Variants in KLHL3 observed in about 807,000 individuals in gnomAD.
KLHL3 encodes the protein kelch-like protein 3.
KLHL3 carries 19 observed loss-of-function variants against 70.5 expected under a neutral mutation model. That is an observed-to-expected ratio of 0.27 (90% CI 0.19 to 0.40). KLHL3 has a LOEUF of 0.40. Ranked by LOEUF, KLHL3 falls within the 10% of genes least tolerant of loss-of-function variation. KLHL3 has a pLI of 1.00. For missense variants in KLHL3, 512 were observed against 771.1 expected, an observed-to-expected ratio of 0.66 and a Z score of 3.98; for synonymous variants, 258 against 290.3, an observed-to-expected ratio of 0.89 and a Z score of 1.13.
At chr5:137,695,862 G>T (rs1412138497) in intron 4 of KLHL3, among the ~76,000 whole-genome samples, 2 of 152,180 alleles carry the variant, frequency 1.3e-5, no homozygotes, top group African/African-American at 4.8e-5. Context: ...GTCCCTGGAG[G>T]GAGGAGGCTG....
At chr5:137,730,608 T>C (rs1179784981) in intron 1 of KLHL3, among the ~76,000 whole-genome samples, 1 of 152,220 alleles carries the variant, frequency 6.6e-6, no homozygotes, top group Non-Finnish European at 1.5e-5. Context: ...CAAACTGCTT[T>C]CTTTAAAACT....
At chr5:137,668,818 G>A (rs1397279067) in intron 6 of KLHL3, among the ~76,000 whole-genome samples, 1 of 152,182 alleles carries the variant, frequency 6.6e-6, no homozygotes, top group Non-Finnish European at 1.5e-5. Flanking sequence ...CAGCCTTGAT[G>A]AAAATATTTA....
intron 5 of KLHL3, among the ~76,000 whole-genome samples, chr5:137,686,344 G>T (rs532995307): frequency 2.6e-5 from 4 of 152,276 alleles, no homozygotes; most frequent in East Asian, 3.9e-4. Context: ...AGCGCCTGTG[G>T]TGTCTACTTC....
intron 1 of KLHL3, among the ~76,000 whole-genome samples, chr5:137,729,015 G>A (rs1452751749): frequency 1.3e-5 from 2 of 151,816 alleles, no homozygotes. Context: ...AACAAATGAG[G>A]AGTTCCAGAA....
chr5:137,656,746 G>A (rs1041675365), intron 8 of KLHL3, among the ~76,000 whole-genome samples: 1 of 152,254 alleles, frequency 6.6e-6, no homozygotes, highest in African/African-American at 2.4e-5. Context: ...GCAACGTGAG[G>A]CCAACAGGCA....
intron 6 of KLHL3, among the ~76,000 whole-genome samples, chr5:137,663,274 C>G (rs1751531802): frequency 6.6e-6 from 1 of 151,572 alleles, no homozygotes; most frequent in Non-Finnish European, 1.5e-5. Flanking sequence ...CCAGGCTGGT[C>G]TCAAACTCCT....
chr5:137,710,701 T>G (rs763879102), intron 2 of KLHL3, among the ~76,000 whole-genome samples: 16 of 152,232 alleles, frequency 1.1e-4, no homozygotes, highest in Non-Finnish European at 2.2e-4. Context: ...TCATCATTCT[T>G]CTAAGCTCTT....
intron 7 of KLHL3, among the ~76,000 whole-genome samples, chr5:137,660,065 A>G (rs981584324): frequency 6.6e-6 from 1 of 152,152 alleles, no homozygotes; most frequent in African/African-American, 2.4e-5. Context: ...TCAAAGTCAA[A>G]TGAATGTAAT....
At position 137,694,532 on chromosome 5, in the gene KLHL3, G is replaced by C. The variant is rs75934918; in HGVS notation, c.364-2085C>G. Among the ~76,000 whole-genome samples, 55 of 152,162 alleles carry C rather than the reference G, an allele frequency of 3.6e-4. No individual in the cohort carries two copies. In the East Asian group the frequency reaches 0.01, roughly 28 times the overall value. On this transcript the variant is annotated intron_variant, in intron 4 of 14. Transcript: ENST00000309755. ...CTCAGCCCGGCCGAACAGATTCCAG[G>C]ACCAGATTAGTCTCTGCCTGCTAGT...
chr5:137,631,069 C>CAAAAAAAAAAAAAA (rs70979549), intron 12 of KLHL3, among the ~76,000 whole-genome samples: 3 of 105,790 alleles, frequency 2.8e-5, no homozygotes, highest in African/African-American at 7.2e-5. Flanking sequence ...TCCAAAAATA[C>CAAAAAAAAAAAAAA]AAAAAAAAAA....
chr5:137,722,117 G>T (rs762010537), intron 1 of KLHL3, among the ~76,000 whole-genome samples: 2 of 152,220 alleles, frequency 1.3e-5, no homozygotes, highest in Non-Finnish European at 2.9e-5. Context: ...TCCCTAGTGA[G>T]CCTCTATCCA....
At chr5:137,685,832 G>A (rs1476267786) in intron 5 of KLHL3, among the ~76,000 whole-genome samples, 1 of 152,108 alleles carries the variant, frequency 6.6e-6, no homozygotes, top group Non-Finnish European at 1.5e-5. Context: ...TGGCTAAAAT[G>A]TTTTTTAAGC....
intron 5 of KLHL3, among the ~76,000 whole-genome samples, chr5:137,687,313 G>A (rs1303797635): frequency 3.1e-5 from 1 of 31,762 alleles, no homozygotes; most frequent in Non-Finnish European, 5.5e-5. Context: ...CCGCCCGGCT[G>A]GCTGCCCCGT....
At chr5:137,658,375 T>G in intron 7 of KLHL3, 95 bp from the exon 8 acceptor site, 1 of 1,145,188 alleles carries the variant, frequency 8.7e-7, no homozygotes. Context: ...ACTCCCACAC[T>G]CATTCATTCC....
At chr5:137,687,587 G>C (rs1346428882) in intron 5 of KLHL3, among the ~76,000 whole-genome samples, 30 of 17,984 alleles carry the variant, frequency 1.7e-3, no homozygotes, top group Non-Finnish European at 2.3e-3. Flanking sequence ...TCCGGGAGGT[G>C]AGGGGCGCTT....
chr5:137,637,486 C>T lies in KLHL3; in HGVS notation c.1220-91G>A. ...TGAGGATGGGGGAGGAGTCCAAATG[C>T]ATGGGCTGGAAACCTAAATGTATGG... On this transcript the variant is annotated intron_variant, in intron 10 of 14. Coordinates refer to ENST00000309755, the MANE Select transcript of KLHL3 (RefSeq NM_017415.3). 5.3e-6 allele frequency: 6 copies of T among 1,122,836 alleles called. No homozygotes were observed. The South Asian group carries it at 7.8e-5, about 15-fold the overall frequency. 69.6% of individuals were successfully genotyped at this position (1,122,836 alleles called of 1,614,324 possible).
chr5:137,675,938 CT>C (rs1751873964), intron 6 of KLHL3, among the ~76,000 whole-genome samples: 1 of 152,220 alleles, frequency 6.6e-6, no homozygotes, highest in South Asian at 2.1e-4. Context: ...AGCCAATCAA[CT>C]GACTGGTTCA....
At chr5:137,691,405 T>C (rs1196197749) in intron 5 of KLHL3, among the ~76,000 whole-genome samples, 1 of 152,176 alleles carries the variant, frequency 6.6e-6, no homozygotes, top group African/African-American at 2.4e-5. Flanking sequence ...AGTCAACAAA[T>C]AATATCTAAA....
At chr5:137,722,230 G>A (rs1420072981) in intron 1 of KLHL3, among the ~76,000 whole-genome samples, 2 of 152,194 alleles carry the variant, frequency 1.3e-5, no homozygotes, top group South Asian at 4.1e-4. Flanking sequence ...ACTGGAATTC[G>A]TAACTATTGG....
Sources: allele counts gnomAD v4.1 joint callset (sites outside exome capture counted in the v4.1 genomes callset), GRCh38; gene constraint gnomAD v4.1.1; transcripts MANE v1.5; gene names NCBI Gene and HGNC (gene_info 2026-07-23, HGNC 2026-07-21).